Variants in PRDM16 observed in about 807,000 individuals in gnomAD.
PRDM16 encodes histone-lysine N-methyltransferase PRDM16.
PRDM16 carries 23 observed loss-of-function variants against 110.6 expected under a neutral mutation model. That is an observed-to-expected ratio of 0.21 (90% CI 0.15 to 0.29). The LOEUF (loss-of-function observed/expected upper bound fraction) is 0.29, where lower values mean the gene tolerates loss of function less well. Among genes scored for constraint, PRDM16 ranks in the 10% least tolerant of loss-of-function variants. The pLI is 1.00. For synonymous variants in PRDM16, 799 were observed against 781.8 expected (o/e 1.02, Z -0.37); for missense variants, 1,615 against 1,794.3 (o/e 0.90, Z 1.81).
intron 3 of PRDM16, among the ~76,000 whole-genome samples, chr1:3,296,616 G>A (rs932304194): frequency 6.6e-6 from 1 of 152,272 alleles, no homozygotes; most frequent in African/African-American, 2.4e-5. Context: ...GGCCGTGGGT[G>A]CCTGTGAGGG....
intron 3 of PRDM16, among the ~76,000 whole-genome samples, chr1:3,381,311 T>A (rs924158074): frequency 6.6e-6 from 1 of 151,384 alleles, no homozygotes; most frequent in Non-Finnish European, 1.5e-5. Context: ...CTTAAAATAG[T>A]GGGACACGGA....
At chr1:3,248,867 C>G (rs943131427) in intron 3 of PRDM16, among the ~76,000 whole-genome samples, 13 of 152,202 alleles carry the variant, frequency 8.5e-5, no homozygotes, top group African/African-American at 2.4e-4. Context: ...CCTCTGGTAA[C>G]GAGGAGTCCA....
chr1:3,357,107 C>T (rs2100550630), intron 3 of PRDM16, among the ~76,000 whole-genome samples: 1 of 152,284 alleles, frequency 6.6e-6, no homozygotes, highest in East Asian at 1.9e-4. Flanking sequence ...CGAAGGACCC[C>T]CAGCCCCAAG....
At chr1:3,174,203 C>A (rs193279825) in intron 1 of PRDM16, among the ~76,000 whole-genome samples, 1 of 152,300 alleles carries the variant, frequency 6.6e-6, no homozygotes, top group African/African-American at 2.4e-5. Context: ...CTGCCTCTGT[C>A]ATCATATGGG....
chr1:3,114,414 A>C (rs1313458158), intron 1 of PRDM16, among the ~76,000 whole-genome samples: 3 of 125,094 alleles, frequency 2.4e-5, no homozygotes, highest in African/African-American at 7.8e-5. Context: ...ACACACGCAC[A>C]CACATGCACA....
At chr1:3,199,098 C>T (rs921210636) in intron 2 of PRDM16, among the ~76,000 whole-genome samples, 1 of 152,186 alleles carries the variant, frequency 6.6e-6, no homozygotes, top group Non-Finnish European at 1.5e-5. Flanking sequence ...CCCTGGCGCT[C>T]AGCGGAGGCT....
Position 3,139,000 on chromosome 1 carries a change from G to C in PRDM16, c.38-47125G>C, listed in dbSNP as rs149428205. On this transcript the variant is annotated intron_variant, in intron 1 of 16. Coordinates refer to ENST00000270722, the MANE Select transcript of PRDM16 (RefSeq NM_022114.4). ...CTGTGTGCTGTGGGCGTTCAACTTT[G>C]ACCTTTGGGATAAGATAATGGGACT... 9.2e-4 allele frequency among the ~76,000 whole-genome samples: 140 copies of C among 152,240 alleles called. 3 individuals are homozygous for C. In the East Asian group the frequency reaches 0.022, roughly 24 times the overall value.
Position 3,382,383 on chromosome 1 carries a change from T to C in PRDM16, c.439-2769T>C, listed in dbSNP as rs1004597814. On this transcript the variant is annotated intron_variant, in intron 3 of 16. Coordinates refer to ENST00000270722, the MANE Select transcript of PRDM16 (RefSeq NM_022114.4). The surrounding 1 kb of genome is among the most constrained non-coding windows in gnomAD (Gnocchi z 6.6). ...CAGGCAGTGACCTCCCTGGACAGCG[T>C]GAGGACCCTTCCTGCAGCCCCTTTA... Among the ~76,000 whole-genome samples, 6 of 152,170 alleles carry C rather than the reference T, an allele frequency of 3.9e-5. No homozygotes were observed. Among genetic ancestry groups the C allele is most frequent in the African/African-American group, 1.4e-4 (6 of 41,448 alleles).
At chr1:3,202,369 A>G (rs1009061888) in intron 2 of PRDM16, among the ~76,000 whole-genome samples, 1 of 4,410 alleles carries the variant, frequency 2.3e-4, no homozygotes, top group African/African-American at 6.3e-4. Flanking sequence ...GGGGAAGCCT[A>G]GGGGAGGCTG....
chr1:3,396,205 C>A, intron 4 of PRDM16: 1 of 498,396 alleles, frequency 2.0e-6, no homozygotes, highest in South Asian at 1.6e-5. Flanking sequence ...CTCTGCTGTG[C>A]CCCCAGGACA....
intron 3 of PRDM16, among the ~76,000 whole-genome samples, chr1:3,303,213 A>C (rs1641242826): frequency 1.3e-5 from 2 of 151,428 alleles, no homozygotes; most frequent in African/African-American, 4.8e-5. Flanking sequence ...GACCATTAGC[A>C]GCCCCTCCCA....
intron 3 of PRDM16, among the ~76,000 whole-genome samples, chr1:3,377,184 G>A (rs764798134): frequency 3.1e-4 from 47 of 152,324 alleles, no homozygotes; most frequent in Middle Eastern, 3.4e-3. Context: ...CCTCTCCCCC[G>A]GCTCCCGCCA....
intron 2 of PRDM16, among the ~76,000 whole-genome samples, chr1:3,238,481 C>T (rs1052339830): frequency 1.3e-5 from 2 of 152,198 alleles, no homozygotes; most frequent in Non-Finnish European, 2.9e-5. Flanking sequence ...AAAATCATTT[C>T]TGTAGCTCAA....
intron 4 of PRDM16, among the ~76,000 whole-genome samples, chr1:3,386,005 C>T (rs745937848): frequency 2.0e-5 from 3 of 152,216 alleles, no homozygotes; most frequent in South Asian, 2.1e-4. Flanking sequence ...CAGAAGGCAC[C>T]GTGTCCCCAG....
At chr1:3,410,637 G>C (rs796306623) in intron 8 of PRDM16, among the ~76,000 whole-genome samples, 17 of 152,306 alleles carry the variant, frequency 1.1e-4, no homozygotes, top group African/African-American at 4.1e-4. Context: ...GCAGGATCTG[G>C]TGCGGAGAGG....
At chr1:3,109,256 AGGTG>A (rs1206468232) in intron 1 of PRDM16, among the ~76,000 whole-genome samples, 1 of 152,166 alleles carries the variant, frequency 6.6e-6, no homozygotes, top group Non-Finnish European at 1.5e-5. Flanking sequence ...CACGTTTTGC[AGGTG>A]GGTGGGCTGC....
intron 3 of PRDM16, among the ~76,000 whole-genome samples, chr1:3,305,233 T>A (rs1641287064): frequency 6.6e-6 from 1 of 152,156 alleles, no homozygotes; most frequent in Non-Finnish European, 1.5e-5. Context: ...CAGAAGAGGT[T>A]CCCACAGACA....
At position 3,265,004 on chromosome 1, in the gene PRDM16, C is replaced by T. The variant is rs1361000782; in HGVS notation, c.438+20867C>T. 6.6e-6 allele frequency among the ~76,000 whole-genome samples: 1 copy of T among 151,828 alleles called. No homozygotes were observed. Among genetic ancestry groups the T allele is most frequent in the Non-Finnish European group, 1.5e-5 (1 of 67,954 alleles). The stretch of plus-strand genomic sequence containing the variant: ...AGAGGAGGGGTCAAGCAGACAGATG[C>T]AGATTTCTGAGCACAGAGAAACCTG... On this transcript the variant is annotated intron_variant, in intron 3 of 16. Transcript: ENST00000270722. This position sits in a 1 kb window ranked among gnomAD's most constrained non-coding sequence, Gnocchi z 4.5.
intron 1 of PRDM16, among the ~76,000 whole-genome samples, chr1:3,106,183 G>A (rs907552036): frequency 1.3e-5 from 2 of 152,256 alleles, no homozygotes; most frequent in African/African-American, 2.4e-5. Context: ...CCCTGGGGGA[G>A]CCTGTCTTCC....
Sources: gnomAD v4.1 joint callset for allele counts (sites outside exome capture counted in the v4.1 genomes callset) on GRCh38, gnomAD v4.1.1 for gene constraint, Gnocchi (gnomAD v3.1) non-coding constraint, MANE v1.5 for transcripts, NCBI Gene and HGNC (gene_info 2026-07-23, HGNC 2026-07-21) for gene names.